GNA14: variants seen among roughly 807,000 people sequenced by gnomAD.
GNA14 encodes G protein subunit alpha 14.
GNA14 carries 50 observed loss-of-function variants against 42.0 expected under a neutral mutation model. The ratio of observed to expected loss-of-function variants is 1.19; its 90% confidence interval spans 0.95 to 1.51. GNA14 has a LOEUF of 1.51. Among genes scored for constraint, GNA14 ranks in the 40% most tolerant of loss-of-function variants. GNA14 has a pLI of 0.00. For missense variants in GNA14, 473 were observed against 446.2 expected, an observed-to-expected ratio of 1.06 and a Z score of -0.54; for synonymous variants, 173 against 163.1, an observed-to-expected ratio of 1.06 and a Z score of -0.46.
At chr9:77,578,294 A>G (rs914254220) in intron 1 of GNA14, among the ~76,000 whole-genome samples, 5 of 152,156 alleles carry the variant, frequency 3.3e-5, no homozygotes, top group Non-Finnish European at 4.4e-5. Context: ...AAAAACAAAC[A>G]AACTAAAAGA....
intron 2 of GNA14, among the ~76,000 whole-genome samples, chr9:77,472,788 A>ATCTCTCTCTC (rs34429720): frequency 1.5e-3 from 214 of 142,090 alleles, no homozygotes; most frequent in African/African-American, 3.8e-3. Flanking sequence ...ACATGACATG[A>ATCTCTCTCTC]TCTCTCTCTC....
intron 1 of GNA14, among the ~76,000 whole-genome samples, chr9:77,610,575 G>T (rs1823714366): frequency 6.6e-6 from 1 of 151,976 alleles, no homozygotes; most frequent in Non-Finnish European, 1.5e-5. Flanking sequence ...ATCACATTGA[G>T]AATTAGAGTT....
At chr9:77,562,912 A>T (rs1822906457) in intron 1 of GNA14, among the ~76,000 whole-genome samples, 1 of 152,172 alleles carries the variant, frequency 6.6e-6, no homozygotes, top group Non-Finnish European at 1.5e-5. Context: ...TCTTCAGATC[A>T]TGGGGCCTCC....
At chr9:77,628,082 T>C (rs887290533) in intron 1 of GNA14, among the ~76,000 whole-genome samples, 11 of 152,128 alleles carry the variant, frequency 7.2e-5, no homozygotes, top group African/African-American at 2.7e-4. Context: ...ATCACAAGCA[T>C]TCCTATATAC....
At chr9:77,582,090 T>C (rs1203678821) in intron 1 of GNA14, among the ~76,000 whole-genome samples, 2 of 152,252 alleles carry the variant, frequency 1.3e-5, no homozygotes, top group Non-Finnish European at 2.9e-5. Flanking sequence ...TTTTCTTTCA[T>C]CCACAACCTG....
chr9:77,541,088 T>C (rs571043978), intron 1 of GNA14, among the ~76,000 whole-genome samples: 5 of 152,236 alleles, frequency 3.3e-5, no homozygotes, highest in African/African-American at 9.6e-5. Context: ...CTTGAGTCCT[T>C]TCTCTTCCTC....
intron 1 of GNA14, among the ~76,000 whole-genome samples, chr9:77,553,498 C>T (rs1837810433): frequency 6.6e-6 from 1 of 151,774 alleles, no homozygotes; most frequent in Non-Finnish European, 1.5e-5. Context: ...AAAAAAAAAG[C>T]AGGGAAAGTA....
At chr9:77,633,313 G>C (rs956393545) in intron 1 of GNA14, among the ~76,000 whole-genome samples, 11 of 152,204 alleles carry the variant, frequency 7.2e-5, no homozygotes, top group African/African-American at 2.4e-4. Context: ...AAGACCAGCA[G>C]AAAAGAGTGT....
chr9:77,605,220 T>C (rs1823628768), intron 1 of GNA14, among the ~76,000 whole-genome samples: 1 of 152,220 alleles, frequency 6.6e-6, no homozygotes, highest in African/African-American at 2.4e-5. Context: ...AAAGTTTCTG[T>C]GGGAAAGAGC....
At chr9:77,439,747 C>T (rs1032002049) in intron 2 of GNA14, among the ~76,000 whole-genome samples, 4 of 152,184 alleles carry the variant, frequency 2.6e-5, no homozygotes, top group African/African-American at 9.7e-5. Context: ...TGGGCCTGTT[C>T]AAACAACCTC....
chr9:77,633,131 G>A (rs553946169), intron 1 of GNA14, among the ~76,000 whole-genome samples: 4 of 152,242 alleles, frequency 2.6e-5, no homozygotes, highest in Admixed American at 6.5e-5. Context: ...CGGAGAAGGA[G>A]GATGATAAGT....
chr9:77,476,462 C>A (rs202171219), intron 2 of GNA14, among the ~76,000 whole-genome samples: 3 of 152,158 alleles, frequency 2.0e-5, no homozygotes, highest in Non-Finnish European at 2.9e-5. Flanking sequence ...AGTTCACACA[C>A]AGAATCGTAA....
At chr9:77,432,121 A>T (rs1835566272) in intron 3 of GNA14, among the ~76,000 whole-genome samples, 1 of 151,882 alleles carries the variant, frequency 6.6e-6, no homozygotes, top group Non-Finnish European at 1.5e-5. Context: ...AAAAAAAAAA[A>T]ACTTTAAGGC....
rs1316732965 is a variant in GNA14, at chr9:77,647,856, G to GCCGCT, written c.-68_-64dup. On this transcript the variant is annotated 5_prime_UTR_variant, in exon 1 of 7. Transcript: ENST00000341700. Reference sequence around the variant, plus strand: ...CCCGGGCACCCGAATCCTCGGCCCGGCCGCTCACCCGGCCAGCATGCGACG... The same window carrying GCCGCT: ...CCCGGGCACCCGAATCCTCGGCCCGGCCGCTCCGCTCACCCGGCCAGCATGCGACG... 1.3e-6 allele frequency: 2 copies of GCCGCT among 1,558,000 alleles called. No individual in the cohort carries two copies. Among genetic ancestry groups the GCCGCT allele is most frequent in the Non-Finnish European group, 1.7e-6 (2 of 1,156,708 alleles).
intron 2 of GNA14, among the ~76,000 whole-genome samples, chr9:77,511,525 T>C: frequency 6.6e-6 from 1 of 152,164 alleles, no homozygotes; most frequent in East Asian, 1.9e-4. Context: ...CCCTTTTTCC[T>C]CTTGTGTTTT....
At chr9:77,504,218 A>G (rs888562469) in intron 2 of GNA14, among the ~76,000 whole-genome samples, 1 of 152,080 alleles carries the variant, frequency 6.6e-6, no homozygotes, top group African/African-American at 2.4e-5. Flanking sequence ...TTTTTCACCA[A>G]CTTCCATCAG....
chr9:77,481,080 C>T (rs1238550359), intron 2 of GNA14, among the ~76,000 whole-genome samples: 1 of 151,500 alleles, frequency 6.6e-6, no homozygotes, highest in Admixed American at 6.6e-5. Context: ...TTATTTCTTG[C>T]CTTCTGCTAG....
chr9:77,464,998 C>A (rs1331946941), intron 2 of GNA14, among the ~76,000 whole-genome samples: 1 of 152,058 alleles, frequency 6.6e-6, no homozygotes, highest in African/African-American at 2.4e-5. Flanking sequence ...TCCTGGGATG[C>A]CAGAAGTTGA....
chr9:77,425,784 C>G, intron 5 of GNA14, 69 bp from the exon 6 acceptor site: 1 of 1,093,264 alleles, frequency 9.1e-7, no homozygotes, highest in Non-Finnish European at 1.3e-6. Context: ...TGGCGCATTG[C>G]CAGTCCATCC....
Sources: gnomAD v4.1 joint callset for allele counts (sites outside exome capture counted in the v4.1 genomes callset) on GRCh38, gnomAD v4.1.1 for gene constraint, MANE v1.5 for transcripts, NCBI Gene and HGNC (gene_info 2026-07-23, HGNC 2026-07-21) for gene names.